Variants in PIGK observed in about 807,000 individuals in gnomAD.
The protein encoded by PIGK is phosphatidylinositol glycan anchor biosynthesis class K, also known as GPI-anchor transamidase.
Under a neutral mutation model 50.6 loss-of-function variants are expected in PIGK, and 42 were observed. The observed-to-expected ratio is 0.83, with a 90% CI of 0.65 to 1.07. PIGK has a LOEUF of 1.07. PIGK is among the 50% of genes least tolerant of loss of function. The pLI is 0.00. For missense variants in PIGK, 448 were observed against 488.7 expected (o/e 0.92, Z 0.78); for synonymous variants, 151 against 156.0 (o/e 0.97, Z 0.24).
At chr1:77,093,862 G>A (rs1366212102) in intron 10 of PIGK, among the ~76,000 whole-genome samples, 1 of 152,082 alleles carries the variant, frequency 6.6e-6, no homozygotes, top group African/African-American at 2.4e-5. Context: ...AAGTTCGGTG[G>A]TTCTCAAACC....
At chr1:77,159,866 G>A (rs1655096560) in intron 8 of PIGK, among the ~76,000 whole-genome samples, 1 of 152,148 alleles carries the variant, frequency 6.6e-6, no homozygotes, top group South Asian at 2.1e-4. Flanking sequence ...ATGAGACTTT[G>A]GACTGTGGAC....
chr1:77,102,167 T>C (rs1239129761), intron 10 of PIGK, among the ~76,000 whole-genome samples: 1 of 152,206 alleles, frequency 6.6e-6, no homozygotes, highest in African/African-American at 2.4e-5. Context: ...TTTCAATGTA[T>C]TACTTCATTG....
At chr1:77,175,378 T>A (rs769172306) in intron 3 of PIGK, among the ~76,000 whole-genome samples, 5 of 152,210 alleles carry the variant, frequency 3.3e-5, no homozygotes, top group African/African-American at 9.6e-5. Flanking sequence ...AAAACAGGGA[T>A]GCTTAGGACA....
chr1:77,187,858 G>A (rs1302155756), intron 3 of PIGK, among the ~76,000 whole-genome samples: 1 of 152,174 alleles, frequency 6.6e-6, no homozygotes, highest in Non-Finnish European at 1.5e-5. Flanking sequence ...AGATTTTATG[G>A]ACATTTTATT....
intron 9 of PIGK, among the ~76,000 whole-genome samples, chr1:77,133,106 T>C (rs1654415462): frequency 6.6e-6 from 1 of 152,184 alleles, no homozygotes; most frequent in African/African-American, 2.4e-5. Flanking sequence ...CTGTTCTTCC[T>C]TATTTTCAAT....
chr1:77,206,967 G>A (rs1656302157), intron 2 of PIGK, among the ~76,000 whole-genome samples: 1 of 152,120 alleles, frequency 6.6e-6, no homozygotes. Context: ...AGGAGTTCGA[G>A]ACCAGCCTGG....
chr1:77,115,200 T>C (rs1015951539), intron 10 of PIGK, among the ~76,000 whole-genome samples: 3 of 152,126 alleles, frequency 2.0e-5, no homozygotes, highest in Non-Finnish European at 4.4e-5. Context: ...TGTCATATAA[T>C]GTAAAGAGCT....
intron 10 of PIGK, among the ~76,000 whole-genome samples, chr1:77,122,035 AT>A (rs1229166364): frequency 6.6e-6 from 1 of 152,174 alleles, no homozygotes; most frequent in Non-Finnish European, 1.5e-5. Context: ...ACAAAAGATA[AT>A]CCTTATTTTA....
At chr1:77,218,189 C>T (rs887475152) in intron 1 of PIGK, among the ~76,000 whole-genome samples, 2 of 152,150 alleles carry the variant, frequency 1.3e-5, no homozygotes, top group African/African-American at 4.8e-5. Flanking sequence ...AGTAGGCAAG[C>T]ACCAGGTCAT....
Position 77,192,148 on chromosome 1 carries a change from T to C in PIGK, c.239+14492A>G, listed in dbSNP as rs773259052. 5.0e-4 allele frequency among the ~76,000 whole-genome samples: 76 copies of C among 151,104 alleles called. 1 individual carries two copies. The highest frequency in any genetic ancestry group is 8.7e-4 in the Non-Finnish European group (59 of 67,702). ...GGACCCTGTCTCAAAAAAAAAAAAA[T>C]CTTTTGGCAAGGACTAAATATAGGG... On this transcript the variant is annotated intron_variant, in intron 3 of 10. Transcript: ENST00000370812.
intron 10 of PIGK, among the ~76,000 whole-genome samples, chr1:77,110,160 A>T (rs1653802865): frequency 6.6e-6 from 1 of 152,350 alleles, no homozygotes; most frequent in South Asian, 2.1e-4. Context: ...AGGAAGAATC[A>T]ATATCGAGAA....
chr1:77,179,704 A>G (rs1424981607), intron 3 of PIGK, among the ~76,000 whole-genome samples: 1 of 152,154 alleles, frequency 6.6e-6, no homozygotes, highest in Non-Finnish European at 1.5e-5. Flanking sequence ...TTGCTCAATT[A>G]AACTCCTTTA....
intron 10 of PIGK, among the ~76,000 whole-genome samples, chr1:77,107,444 G>C (rs1365917213): frequency 6.6e-6 from 1 of 152,224 alleles, no homozygotes; most frequent in Non-Finnish European, 1.5e-5. Flanking sequence ...TTGCACTGTG[G>C]TCTGAGAGAC....
chr1:77,163,212 C>T (rs965018272), intron 6 of PIGK, among the ~76,000 whole-genome samples: 45 of 152,194 alleles, frequency 3.0e-4, no homozygotes, highest in African/African-American at 1.0e-3. Flanking sequence ...TCATTGTATA[C>T]ATATTTCTCT....
chr1:77,166,651 T>C (rs570100705), intron 5 of PIGK, 68 bp downstream of exon 5: 25 of 734,182 alleles, frequency 3.4e-5, no homozygotes, highest in African/African-American at 2.5e-4. Flanking sequence ...TAAATTTCTT[T>C]CCATTTGCCT....
intron 10 of PIGK, among the ~76,000 whole-genome samples, chr1:77,105,194 T>G (rs754822262): frequency 5.9e-5 from 9 of 152,118 alleles, no homozygotes; most frequent in Non-Finnish European, 1.2e-4. Context: ...TCAGGTTATC[T>G]CTTCTTAAGT....
chr1:77,195,159 G>C lies in PIGK; in HGVS notation c.239+11481C>G. On this transcript the variant is annotated intron_variant, in intron 3 of 10. Transcript: ENST00000370812. ...AGTTCATGAATATCATTGCCAATGAGATTGGGTCAGAGGAGACCCTCCTGT... is the reference window on the plus strand; with the variant it reads ...AGTTCATGAATATCATTGCCAATGACATTGGGTCAGAGGAGACCCTCCTGT... The C allele has an allele frequency of 1.6e-6, 2 of 1,237,748 alleles. 1 individual carries two copies. The highest frequency in any genetic ancestry group is 2.4e-5 in the South Asian group (2 of 83,992). 76.7% of individuals were successfully genotyped at this position (1,237,748 alleles called of 1,614,324 possible).
At chr1:77,189,384 C>T (rs1356632247) in intron 3 of PIGK, among the ~76,000 whole-genome samples, 1 of 151,994 alleles carries the variant, frequency 6.6e-6, no homozygotes, top group Non-Finnish European at 1.5e-5. Flanking sequence ...CTGGGTGTGT[C>T]TGTGAGGGTG....
chr1:77,172,767 C>CA (rs1215122842), intron 3 of PIGK, among the ~76,000 whole-genome samples: 1 of 151,714 alleles, frequency 6.6e-6, no homozygotes, highest in African/African-American at 2.4e-5. Context: ...ACAAAAAATA[C>CA]AAAAAAATTA....
Sources: allele counts gnomAD v4.1 joint callset (sites outside exome capture counted in the v4.1 genomes callset), GRCh38; gene constraint gnomAD v4.1.1; transcripts MANE v1.5; gene names NCBI Gene and HGNC (gene_info 2026-07-23, HGNC 2026-07-21).